LRRC4C: variants seen among roughly 807,000 people sequenced by gnomAD.
The protein encoded by LRRC4C is leucine-rich repeat-containing protein 4C.
LRRC4C carries 5 observed loss-of-function variants against 33.6 expected under a neutral mutation model. The ratio of observed to expected loss-of-function variants is 0.15; its 90% CI spans 0.08 to 0.31. The LOEUF is 0.31. Among genes scored for constraint, LRRC4C ranks in the 10% least tolerant of loss-of-function variants. The pLI is 1.00. For synonymous variants in LRRC4C, 329 were observed against 302.0 expected, an observed-to-expected ratio of 1.09 and a Z score of -0.93; for missense variants, 560 against 796.7, an observed-to-expected ratio of 0.70 and a Z score of 3.58.
At chr11:40,295,604 T>A (rs1944470843) in intron 4 of LRRC4C, among the ~76,000 whole-genome samples, 1 of 152,184 alleles carries the variant, frequency 6.6e-6, no homozygotes, top group African/African-American at 2.4e-5. Context: ...TTGTTTGAGT[T>A]AAAAAAATTT....
chr11:41,208,810 C>G (rs1946701784), intron 1 of LRRC4C, among the ~76,000 whole-genome samples: 1 of 152,148 alleles, frequency 6.6e-6, no homozygotes, highest in African/African-American at 2.4e-5. Flanking sequence ...GAGCCACCTC[C>G]TTGGTTTTAG....
At chr11:40,398,598 T>G (rs1949634636) in intron 3 of LRRC4C, among the ~76,000 whole-genome samples, 1 of 152,096 alleles carries the variant, frequency 6.6e-6, no homozygotes, top group Non-Finnish European at 1.5e-5. Flanking sequence ...TTGATTGTTT[T>G]GTTTTCCATA....
At chr11:40,433,942 C>T (rs950966018) in intron 3 of LRRC4C, among the ~76,000 whole-genome samples, 4 of 152,068 alleles carry the variant, frequency 2.6e-5, no homozygotes, top group Admixed American at 6.5e-5. Context: ...AAAACTTGAA[C>T]GAATGCTTGA....
intron 1 of LRRC4C, among the ~76,000 whole-genome samples, chr11:41,252,639 C>CT (rs1948678096): frequency 6.6e-6 from 1 of 152,004 alleles, no homozygotes; most frequent in Admixed American, 6.6e-5. Context: ...CAAAAAATGT[C>CT]CTATTTAATA....
intron 1 of LRRC4C, among the ~76,000 whole-genome samples, chr11:40,962,099 G>C (rs1186926064): frequency 6.6e-6 from 1 of 151,524 alleles, no homozygotes; most frequent in South Asian, 2.1e-4. Flanking sequence ...CTGTCAATAT[G>C]TTAGTTTATA....
At chr11:40,507,494 G>A (rs1955090529) in intron 3 of LRRC4C, among the ~76,000 whole-genome samples, 1 of 152,050 alleles carries the variant, frequency 6.6e-6, no homozygotes, top group African/African-American at 2.4e-5. Context: ...GTGAGAGTAT[G>A]AAGATAGATA....
chr11:40,764,802 G>A (rs1949376528), intron 2 of LRRC4C, among the ~76,000 whole-genome samples: 1 of 152,136 alleles, frequency 6.6e-6, no homozygotes, highest in South Asian at 2.1e-4. Flanking sequence ...TAGTAATCCA[G>A]GAAATTCTCT....
chr11:41,127,512 G>C (rs1002979005), intron 1 of LRRC4C, among the ~76,000 whole-genome samples: 2 of 151,944 alleles, frequency 1.3e-5, no homozygotes, highest in Non-Finnish European at 2.9e-5. Context: ...ATGGGCATAA[G>C]ATGACATGAG....
At chr11:40,581,884 C>T (rs530163533) in intron 3 of LRRC4C, among the ~76,000 whole-genome samples, 20 of 152,182 alleles carry the variant, frequency 1.3e-4, no homozygotes, top group Admixed American at 1.3e-3. Flanking sequence ...GCCTGGGTGA[C>T]AGAGCGAGAC....
intron 2 of LRRC4C, among the ~76,000 whole-genome samples, chr11:40,897,182 A>G (rs548270568): frequency 5.9e-5 from 9 of 152,342 alleles, no homozygotes; most frequent in African/African-American, 1.4e-4. Context: ...CTTGAAATGC[A>G]TTTAGATGAT....
At chr11:41,292,614 C>G (rs141545613) in intron 1 of LRRC4C, among the ~76,000 whole-genome samples, 31 of 151,618 alleles carry the variant, frequency 2.0e-4, no homozygotes, top group African/African-American at 7.5e-4. Context: ...AGAGACTTAC[C>G]AAATCATTTT....
intron 3 of LRRC4C, among the ~76,000 whole-genome samples, chr11:40,343,452 G>A (rs552911920): frequency 6.6e-6 from 1 of 152,062 alleles, no homozygotes; most frequent in East Asian, 1.9e-4. Flanking sequence ...AGATTATTCA[G>A]TCACCCATGT....
chr11:40,791,727 G>C (rs987852374), intron 2 of LRRC4C, among the ~76,000 whole-genome samples: 2 of 152,130 alleles, frequency 1.3e-5, no homozygotes, highest in Non-Finnish European at 2.9e-5. Flanking sequence ...AGAAAATAAA[G>C]CAGCCTCATA....
At chr11:41,195,940 A>C (rs966328072) in intron 1 of LRRC4C, among the ~76,000 whole-genome samples, 1 of 152,210 alleles carries the variant, frequency 6.6e-6, no homozygotes, top group East Asian at 1.9e-4. Context: ...AGGAAGTCTC[A>C]TCTACTTTCT....
intron 2 of LRRC4C, among the ~76,000 whole-genome samples, chr11:40,930,165 A>G (rs1249443124): frequency 6.6e-6 from 1 of 152,210 alleles, no homozygotes; most frequent in Non-Finnish European, 1.5e-5. Flanking sequence ...GAAGCTGTTC[A>G]GGTAAGCAGT....
At chr11:40,679,739 G>A (rs778688327) in intron 2 of LRRC4C, among the ~76,000 whole-genome samples, 4 of 152,216 alleles carry the variant, frequency 2.6e-5, no homozygotes, top group Admixed American at 6.5e-5. Context: ...AGATGTATGA[G>A]GATGCCTGGA....
chr11:40,549,920 C>T (rs1726781227), intron 3 of LRRC4C, among the ~76,000 whole-genome samples: 1 of 151,982 alleles, frequency 6.6e-6, no homozygotes, highest in African/African-American at 2.4e-5. Context: ...AGCATAAACT[C>T]TCATTAATGT....
intron 2 of LRRC4C, among the ~76,000 whole-genome samples, chr11:40,796,774 G>A (rs1950849314): frequency 6.6e-6 from 1 of 151,198 alleles, no homozygotes; most frequent in Admixed American, 6.6e-5. Context: ...AGCCACATGA[G>A]TAACTGGGAT....
chr11:40,666,186 C>A (rs1943800494), intron 2 of LRRC4C, among the ~76,000 whole-genome samples: 1 of 152,042 alleles, frequency 6.6e-6, no homozygotes, highest in African/African-American at 2.4e-5. Context: ...AATCACTATG[C>A]AAAATTTCAC....
Sources: gnomAD v4.1 joint callset for allele counts (sites outside exome capture counted in the v4.1 genomes callset) on GRCh38, gnomAD v4.1.1 for gene constraint, MANE v1.5 for transcripts, NCBI Gene and HGNC (gene_info 2026-07-23, HGNC 2026-07-21) for gene names.